The following LRFN5 variants were observed in gnomAD, a reference collection of about 807,000 sequenced individuals.
LRFN5 encodes the protein leucine rich repeat and fibronectin type III domain containing 5.
Under a neutral mutation model 45.6 loss-of-function variants are expected in LRFN5, and 24 were observed. The observed-to-expected ratio is 0.53, with a 90% CI of 0.38 to 0.74. The LOEUF is 0.74. Ranked by LOEUF, LRFN5 falls within the 30% of genes least tolerant of loss-of-function variation. The pLI, the probability that LRFN5 is intolerant of heterozygous loss-of-function variation, is 0.00. For missense variants in LRFN5, 776 were observed against 861.5 expected (o/e 0.90, Z 1.24); for synonymous variants, 340 against 313.8 (o/e 1.08, Z -0.88).
At chr14:41,705,476 A>C (rs562733370) in intron 1 of LRFN5, among the ~76,000 whole-genome samples, 1 of 152,220 alleles carries the variant, frequency 6.6e-6, no homozygotes, top group Non-Finnish European at 1.5e-5. Flanking sequence ...GTGAAATGCC[A>C]TTAATATTTT....
intron 4 of LRFN5, among the ~76,000 whole-genome samples, chr14:41,898,528 G>A (rs1435035129): frequency 6.6e-6 from 1 of 151,754 alleles, no homozygotes; most frequent in Non-Finnish European, 1.5e-5. Flanking sequence ...TTTTTTCCTT[G>A]ATGTAATTTT....
At chr14:41,772,841 C>G (rs927422549) in intron 2 of LRFN5, among the ~76,000 whole-genome samples, 1 of 152,128 alleles carries the variant, frequency 6.6e-6, no homozygotes, top group African/African-American at 2.4e-5. Context: ...AATTCATCAC[C>G]TAATCTGGTC....
chr14:41,830,522 C>T (rs1320115602), intron 2 of LRFN5, among the ~76,000 whole-genome samples: 1 of 152,056 alleles, frequency 6.6e-6, no homozygotes, highest in African/African-American at 2.4e-5. Flanking sequence ...CATAAATACA[C>T]CCTTCTATAT....
intron 2 of LRFN5, among the ~76,000 whole-genome samples, chr14:41,805,396 T>TTATA (rs1211456862): frequency 6.9e-6 from 1 of 144,178 alleles, no homozygotes; most frequent in Non-Finnish European, 1.5e-5. Context: ...TTTATTTTAT[T>TTATA]TATTTATTTA....
chr14:41,866,864 C>G (rs897503241), intron 2 of LRFN5, among the ~76,000 whole-genome samples: 2 of 152,052 alleles, frequency 1.3e-5, no homozygotes, highest in Non-Finnish European at 2.9e-5. Context: ...AGTGTTGTCT[C>G]CCACAAGTAA....
intron 1 of LRFN5, among the ~76,000 whole-genome samples, chr14:41,737,722 A>G (rs1884503277): frequency 6.6e-6 from 1 of 151,950 alleles, no homozygotes; most frequent in Non-Finnish European, 1.5e-5. Context: ...CAAACAGCCA[A>G]ATCATGAGTG....
At chr14:41,726,657 C>T (rs1468045930) in intron 1 of LRFN5, among the ~76,000 whole-genome samples, 2 of 151,910 alleles carry the variant, frequency 1.3e-5, no homozygotes, top group Non-Finnish European at 2.9e-5. Context: ...TTTTAATGGC[C>T]ATCACAGAAA....
At chr14:41,711,294 A>C (rs1270968250) in intron 1 of LRFN5, among the ~76,000 whole-genome samples, 6 of 152,314 alleles carry the variant, frequency 3.9e-5, no homozygotes, top group Admixed American at 6.5e-5. Context: ...AGAGCTGTAT[A>C]AAAACTATAA....
At chr14:41,806,713 G>T (rs1032979162) in intron 2 of LRFN5, among the ~76,000 whole-genome samples, 1 of 152,012 alleles carries the variant, frequency 6.6e-6, no homozygotes, top group Non-Finnish European at 1.5e-5. Flanking sequence ...TGAATTCTGG[G>T]GATAATCCAG....
intron 2 of LRFN5, among the ~76,000 whole-genome samples, chr14:41,821,708 C>G (rs188885072): frequency 6.7e-6 from 1 of 149,324 alleles, no homozygotes; most frequent in Admixed American, 6.7e-5. Context: ...AGGATTTGTA[C>G]CAGTTGGTTG....
At chr14:41,840,588 T>C (rs746928863) in intron 2 of LRFN5, among the ~76,000 whole-genome samples, 4 of 152,034 alleles carry the variant, frequency 2.6e-5, no homozygotes, top group Non-Finnish European at 4.4e-5. Context: ...AACTCTGGTG[T>C]ACCTCTCCTA....
chr14:41,873,881 A>G (rs1005401986), intron 2 of LRFN5, among the ~76,000 whole-genome samples: 1 of 152,200 alleles, frequency 6.6e-6, no homozygotes, highest in Admixed American at 6.5e-5. Context: ...GTTACAAGAA[A>G]TGTTAAATAC....
At chr14:41,808,197 G>GGGAAGGAA (rs141262386) in intron 2 of LRFN5, among the ~76,000 whole-genome samples, 6,478 of 100,992 alleles carry the variant, frequency 0.064, 370 homozygotes, top group East Asian at 0.16. Context: ...AGGAAGTAGA[G>GGGAAGGAA]GGAAGGAAGG....
chr14:41,880,101 G>A (rs534818776), intron 2 of LRFN5, among the ~76,000 whole-genome samples: 364 of 151,248 alleles, frequency 2.4e-3, no homozygotes, highest in African/African-American at 8.4e-3. Flanking sequence ...ATAATTTTTT[G>A]TATTTTTAGT....
intron 1 of LRFN5, among the ~76,000 whole-genome samples, chr14:41,644,781 G>T (rs748813531): frequency 5.3e-5 from 8 of 152,176 alleles, no homozygotes; most frequent in Non-Finnish European, 1.0e-4. Flanking sequence ...AGATGCTGAG[G>T]ATCAGAACAG....
intron 4 of LRFN5, among the ~76,000 whole-genome samples, chr14:41,896,282 C>T (rs1032013087): frequency 9.2e-5 from 14 of 152,058 alleles, no homozygotes; most frequent in African/African-American, 3.1e-4. Flanking sequence ...GTCTTCTCAG[C>T]ATAGTTGATT....
intron 1 of LRFN5, among the ~76,000 whole-genome samples, chr14:41,695,867 C>G (rs1417298656): frequency 6.6e-6 from 1 of 151,930 alleles, no homozygotes. Context: ...CAAGTACTTT[C>G]AAACTTTGTC....
chr14:41,849,442 TAA>T (rs1212366829), intron 2 of LRFN5, among the ~76,000 whole-genome samples: 1 of 144,342 alleles, frequency 6.9e-6, no homozygotes, highest in African/African-American at 2.5e-5. Context: ...TTAGTGTGGT[TAA>T]AAAAAAAAAC....
chr14:41,730,377 A>G (rs1416169929), intron 1 of LRFN5, among the ~76,000 whole-genome samples: 2 of 152,040 alleles, frequency 1.3e-5, no homozygotes, highest in Non-Finnish European at 2.9e-5. Context: ...ACTTACTTTT[A>G]TCAATGTTGC....
Sources: gnomAD v4.1 joint callset for allele counts (sites outside exome capture counted in the v4.1 genomes callset) on GRCh38, gnomAD v4.1.1 for gene constraint, MANE v1.5 for transcripts, NCBI Gene and HGNC (gene_info 2026-07-23, HGNC 2026-07-21) for gene names.